Variants in WNT9B observed in about 807,000 individuals in gnomAD.
WNT9B encodes protein Wnt-9b.
A neutral mutation model predicts 30.2 loss-of-function variants in WNT9B; 12 were observed. The ratio of observed to expected loss-of-function variants is 0.40; its 90% confidence interval spans 0.26 to 0.64. The LOEUF (loss-of-function observed/expected upper bound fraction) is 0.64, where lower values mean the gene tolerates loss of function less well. WNT9B is among the 30% of genes least tolerant of loss of function. The pLI, the probability that WNT9B is intolerant of heterozygous loss-of-function variation, is 0.42. For synonymous variants in WNT9B, 218 were observed against 216.9 expected, an observed-to-expected ratio of 1.01 and a Z score of -0.05; for missense variants, 442 against 485.2, an observed-to-expected ratio of 0.91 and a Z score of 0.84.
Position 46,879,481 on chromosome 17 carries a change from G to A in WNT9B, c.*2763G>A. Among the ~76,000 whole-genome samples, 1 of 152,226 alleles carries A rather than the reference G, an allele frequency of 6.6e-6. No homozygotes were observed. Among genetic ancestry groups the A allele is most frequent in the East Asian group, 1.9e-4 (1 of 5,192 alleles). On this transcript the variant is annotated 3_prime_UTR_variant, in exon 4 of 4. Coordinates refer to ENST00000290015, the MANE Select transcript of WNT9B (RefSeq NM_003396.3). ...TTACTCATAATGATAATGACAACGA[G>A]AATTCCCACACCTGGCATTTGTAAA...
downstream of WNT9B, among the ~76,000 whole-genome samples, chr17:46,881,717 C>G (rs1403796375): frequency 3.3e-5 from 5 of 152,188 alleles, no homozygotes; most frequent in East Asian, 7.7e-4. Flanking sequence ...GAGACAGTCA[C>G]TAGGTGGGTA....
chr17:46,848,504 T>C (rs2084803100), upstream of WNT9B, among the ~76,000 whole-genome samples: 1 of 152,230 alleles, frequency 6.6e-6, no homozygotes, highest in Non-Finnish European at 1.5e-5. Flanking sequence ...TGGCACAGGC[T>C]GTAGGTCCCA....
At chr17:46,874,611 T>C (rs2085312186) in intron 2 of WNT9B, among the ~76,000 whole-genome samples, 1 of 152,202 alleles carries the variant, frequency 6.6e-6, no homozygotes, top group African/African-American at 2.4e-5. Context: ...AAGGTCTCCC[T>C]CTGTCACCCA....
rs1360393862 is a variant in WNT9B, at chr17:46,876,668, G to A, written c.1024G>A (p.Glu342Lys). The A allele has an allele frequency of 4.4e-6, 7 of 1,595,004 alleles. No homozygotes were observed. Among genetic ancestry groups the A allele is most frequent in the Non-Finnish European group, 6.0e-6 (7 of 1,167,636 alleles). ...HCQVQWCCYV[E>K]CQQCVQEELV... Reference sequence around the variant, plus strand: ...CCAGGTGCAGTGGTGCTGCTACGTGGAGTGCCAGCAATGTGTGCAGGAGGA... The same window carrying A: ...CCAGGTGCAGTGGTGCTGCTACGTGAAGTGCCAGCAATGTGTGCAGGAGGA... Residue 342 changes from glutamate to lysine, a missense_variant, in exon 4 of 4, where the codon GAG (glutamate) becomes AAG (lysine). Transcript: ENST00000290015.
At chr17:46,886,042 C>T (rs576002618) in exon 5 of WNT9B, 1 of 152,196 alleles carries the variant, frequency 6.6e-6, no homozygotes, top group East Asian at 1.9e-4. Context: ...CCCACCCTCC[C>T]CAAGGTGGTC....
At chr17:46,864,844 T>C (rs74659544) in intron 1 of WNT9B, among the ~76,000 whole-genome samples, 2,948 of 152,202 alleles carry the variant, frequency 0.019, 88 homozygotes, top group African/African-American at 0.068. Flanking sequence ...ACACTTGGCA[T>C]GCCCTTGCCC....
chr17:46,840,558 A>G (rs1484578019), intron 1 of WNT9B, among the ~76,000 whole-genome samples: 1 of 152,242 alleles, frequency 6.6e-6, no homozygotes, highest in Non-Finnish European at 1.5e-5. Flanking sequence ...TGATATTGCT[A>G]GTTCTAGATC....
chr17:46,868,506 G>T (rs1466956174), intron 1 of WNT9B, among the ~76,000 whole-genome samples: 2 of 152,188 alleles, frequency 1.3e-5, no homozygotes, highest in African/African-American at 4.8e-5. Context: ...TGAGGTAGGA[G>T]AATTGCTTGA....
chr17:46,847,047 A>AT, upstream of WNT9B, among the ~76,000 whole-genome samples: 1 of 152,182 alleles, frequency 6.6e-6, no homozygotes, highest in Non-Finnish European at 1.5e-5. Flanking sequence ...ACTTTCAGTA[A>AT]TTTTTTTCAT....
At chr17:46,883,924 TC>T (rs1289288654), downstream of WNT9B, among the ~76,000 whole-genome samples, 6 of 152,042 alleles carry the variant, frequency 3.9e-5, no homozygotes, top group Admixed American at 3.9e-4. Flanking sequence ...CCCATATTCC[TC>T]CCTGGCTCTC....
Position 46,876,579 on chromosome 17 carries a change from G to A in WNT9B, c.935G>A (p.Ser312Asn). The change falls in exon 4 of 4, where the codon AGC becomes AAC. Residue 312 changes from serine (S) to asparagine (N), a missense_variant. Transcript: ENST00000290015. ...GTGTGCTCCCGGGAGGCCAGCTGCA[G>A]CAGCCTGTGCTGCGGGCGGGGCTAT... is the stretch of plus-strand genomic sequence containing the variant. ...GRVCSREASC[S>N]SLCCGRGYDT... 1.2e-6 allele frequency: 2 copies of A among 1,613,540 alleles called. No individual in the cohort carries two copies. Among genetic ancestry groups the A allele is most frequent in the Non-Finnish European group, 1.7e-6 (2 of 1,179,970 alleles).
chr17:46,871,965 C>A (rs369412094), intron 1 of WNT9B, among the ~76,000 whole-genome samples: 16 of 152,316 alleles, frequency 1.1e-4, no homozygotes, highest in African/African-American at 3.8e-4. Flanking sequence ...ATTACTTGGG[C>A]AGCAGCATAA....
chr17:46,843,517 A>C (rs994340151), intron 1 of WNT9B, among the ~76,000 whole-genome samples: 1 of 152,122 alleles, frequency 6.6e-6, no homozygotes, highest in Non-Finnish European at 1.5e-5. Context: ...TCTTCCCTGG[A>C]ACAATGAATT....
intron 2 of WNT9B, 87 bp downstream of exon 2, chr17:46,872,860 T>G: frequency 6.9e-7 from 1 of 1,448,674 alleles, no homozygotes; most frequent in Non-Finnish European, 9.2e-7. Flanking sequence ...CTTTCCTTTT[T>G]CCTGGCTCCC....
intron 1 of WNT9B, among the ~76,000 whole-genome samples, chr17:46,839,829 A>T (rs752343581): frequency 6.6e-6 from 1 of 152,134 alleles, no homozygotes. Flanking sequence ...TTCCAGCTTC[A>T]TCCGTGTCCC....
At chr17:46,841,428 GTT>G (rs1047162070) in intron 1 of WNT9B, among the ~76,000 whole-genome samples, 4 of 152,230 alleles carry the variant, frequency 2.6e-5, no homozygotes, top group Admixed American at 6.5e-5. Flanking sequence ...GAGAGTGAGA[GTT>G]CAGCCCTGTC....
At chr17:46,882,081 A>T (rs2085430195), downstream of WNT9B, among the ~76,000 whole-genome samples, 1 of 152,214 alleles carries the variant, frequency 6.6e-6, no homozygotes, top group South Asian at 2.1e-4. Flanking sequence ...GCTTGAGCCC[A>T]GGAGTTCGAG....
chr17:46,853,041 C>CT (rs1232622173), intron 1 of WNT9B, among the ~76,000 whole-genome samples: 12 of 152,166 alleles, frequency 7.9e-5, no homozygotes, highest in Admixed American at 7.9e-4. Context: ...AGGGGTTGAA[C>CT]TTGATATGAC....
intron 1 of WNT9B, among the ~76,000 whole-genome samples, chr17:46,861,220 G>T (rs2085031934): frequency 6.6e-6 from 1 of 152,226 alleles, no homozygotes. Flanking sequence ...GTTGTCCTGT[G>T]TGTCTCAAAC....
Sources: allele counts gnomAD v4.1 joint callset (sites outside exome capture counted in the v4.1 genomes callset), GRCh38; gene constraint gnomAD v4.1.1; transcripts MANE v1.5; gene names NCBI Gene and HGNC (gene_info 2026-07-23, HGNC 2026-07-21).